The following LRP1B variants were observed in gnomAD, a reference collection of about 807,000 sequenced individuals.
LRP1B encodes low-density lipoprotein receptor-related protein 1B.
In LRP1B, 217 loss-of-function variants were observed where a neutral mutation model predicts 556.6. The observed-to-expected ratio is 0.39, with a 90% confidence interval of 0.35 to 0.44. The LOEUF (loss-of-function observed/expected upper bound fraction) is 0.44, where lower values mean the gene tolerates loss of function less well. Ranked by LOEUF, LRP1B falls within the 20% of genes least tolerant of loss-of-function variation. The pLI, the probability that LRP1B is intolerant of heterozygous loss-of-function variation, is 1.00. For synonymous variants in LRP1B, 2,047 were observed against 1,865.8 expected, an observed-to-expected ratio of 1.10 and a Z score of -2.50; for missense variants, 5,053 against 5,620.8, an observed-to-expected ratio of 0.90 and a Z score of 3.23.
In LRP1B at chr2:141,901,916, T is replaced by C. The variant is rs565501719; in HGVS notation, c.83-91515A>G. On this transcript the variant is annotated intron_variant, in intron 1 of 90. Coordinates refer to ENST00000389484, the MANE Select transcript of LRP1B (RefSeq NM_018557.3). ...ATCTGGCCATGATCAAGAACAAATATGTGTATGTGATTGGAAATGTTTTAA... is the reference window on the plus strand; with the variant it reads ...ATCTGGCCATGATCAAGAACAAATACGTGTATGTGATTGGAAATGTTTTAA... 2.6e-5 allele frequency among the ~76,000 whole-genome samples: 4 copies of C among 151,020 alleles called. No individual in the cohort carries two copies. In the Admixed American group the frequency reaches 2.7e-4, roughly 10 times the overall value.
chr2:141,831,020 T>A (rs1306042394), intron 1 of LRP1B, among the ~76,000 whole-genome samples: 3 of 151,788 alleles, frequency 2.0e-5, no homozygotes, highest in Non-Finnish European at 4.4e-5. Flanking sequence ...TTGACACTTT[T>A]CTTATGAAAT....
Position 140,501,693 on chromosome 2 carries a change from A to G in LRP1B, c.8844T>C (p.Ser2948=). ...CSQDCQDLPV[S]YKCKCWPGFQ... is the part of the protein sequence containing the mutation. ...ACTTTTGATGAGTACCTACCTTATA[A>G]CTGACCGGAAGGTCTTGACAGTCTT... Residue 2948 remains serine (S), a synonymous_variant, in exon 55 of 91, where the codon AGT becomes AGC. Coordinates refer to ENST00000389484, the MANE Select transcript of LRP1B (RefSeq NM_018557.3). The G allele has an allele frequency of 6.2e-7, 1 of 1,609,068 alleles. No homozygotes were observed. The highest frequency in any genetic ancestry group is 1.1e-5 in the South Asian group (1 of 90,450).
At chr2:140,997,789 T>C (rs1381026637) in intron 15 of LRP1B, among the ~76,000 whole-genome samples, 1 of 151,962 alleles carries the variant, frequency 6.6e-6, no homozygotes, top group Non-Finnish European at 1.5e-5. Context: ...AAACATGAAG[T>C]TGTGGTTTGC....
At chr2:141,026,566 G>T (rs897650716) in intron 11 of LRP1B, among the ~76,000 whole-genome samples, 5 of 151,972 alleles carry the variant, frequency 3.3e-5, no homozygotes, top group Non-Finnish European at 7.4e-5. Context: ...AGATAACCAG[G>T]CTAAATCAAC....
chr2:141,234,019 C>G (rs76532888), intron 5 of LRP1B, among the ~76,000 whole-genome samples: 1 of 152,028 alleles, frequency 6.6e-6, no homozygotes, highest in Non-Finnish European at 1.5e-5. Context: ...AAAAAAATCC[C>G]AGTTTTAACT....
At chr2:141,552,151 C>T (rs1447297673) in intron 2 of LRP1B, among the ~76,000 whole-genome samples, 2 of 151,942 alleles carry the variant, frequency 1.3e-5, no homozygotes, top group Non-Finnish European at 2.9e-5. Flanking sequence ...TTGTTTCTTT[C>T]AGAGAAATGC....
At chr2:142,111,759 A>G (rs143291467) in intron 1 of LRP1B, among the ~76,000 whole-genome samples, 55 of 152,192 alleles carry the variant, frequency 3.6e-4, no homozygotes, top group African/African-American at 1.1e-3. Flanking sequence ...TTCATCACAC[A>G]GGACTATATG....
chr2:141,184,868 T>A (rs1316437003), intron 7 of LRP1B, among the ~76,000 whole-genome samples: 6 of 151,898 alleles, frequency 4.0e-5, no homozygotes, highest in African/African-American at 7.2e-5. Context: ...CTACACTTCA[T>A]TTTTTTTCTT....
chr2:140,517,685 T>C (rs1004729044), intron 49 of LRP1B, among the ~76,000 whole-genome samples: 3 of 149,372 alleles, frequency 2.0e-5, no homozygotes, highest in African/African-American at 7.4e-5. Flanking sequence ...CAAGAGTACA[T>C]ATAGAATACT....
At chr2:141,528,297 A>C in intron 2 of LRP1B, among the ~76,000 whole-genome samples, 1 of 152,002 alleles carries the variant, frequency 6.6e-6, no homozygotes, top group East Asian at 1.9e-4. Flanking sequence ...AATTTGTGAT[A>C]AATTCCTGAT....
chr2:141,196,859 AT>A (rs1268385368), intron 6 of LRP1B, among the ~76,000 whole-genome samples: 1 of 152,044 alleles, frequency 6.6e-6, no homozygotes, highest in Non-Finnish European at 1.5e-5. Context: ...ATGAAATTAA[AT>A]TCCCTGTTTT....
chr2:140,891,792 A>G, intron 23 of LRP1B, among the ~76,000 whole-genome samples: 1 of 152,198 alleles, frequency 6.6e-6, no homozygotes, highest in Non-Finnish European at 1.5e-5. Context: ...ACTTGTACAT[A>G]TACATGATGA....
chr2:141,142,382 A>G (rs72976024), intron 7 of LRP1B, among the ~76,000 whole-genome samples: 5,889 of 152,192 alleles, frequency 0.039, 357 homozygotes, highest in African/African-American at 0.13. Flanking sequence ...ACAGACAAAA[A>G]CTTCCTAGTT....
chr2:140,690,618 A>G (rs1158713132), intron 41 of LRP1B, among the ~76,000 whole-genome samples: 2 of 152,158 alleles, frequency 1.3e-5, no homozygotes, highest in East Asian at 3.9e-4. Context: ...AAACTAATTT[A>G]TAGCTTGCAA....
chr2:141,254,536 C>T lies in LRP1B; in HGVS notation c.449G>A (p.Gly150Glu), dbSNP rs2105340115. 1.2e-6 allele frequency: 2 copies of T among 1,611,864 alleles called. No individual in the cohort carries two copies. Among genetic ancestry groups the T allele is most frequent in the Non-Finnish European group, 1.7e-6 (2 of 1,178,588 alleles). ...CEDGFEITEDGRSCKDQDECA... is the reference protein window; with the variant it reads ...CEDGFEITEDERSCKDQDECA... ...GTTTTACTTACCTTTACAGCTTCTC[C>T]CATCTTCTGTTATTTCGAATCCATC... The change falls in exon 4 of 91, where the codon GGG (glycine) becomes GAG (glutamate). Residue 150 changes from glycine (G) to glutamate (E), a missense_variant. Physicochemically the swap from Gly to Glu is moderately conservative, Grantham distance 98. Around this residue, in one of 5 missense-constraint regions of LRP1B, gnomAD observed 3,619 missense variants for 3,931.9 expected, o/e 0.92. Transcript: ENST00000389484.
intron 11 of LRP1B, among the ~76,000 whole-genome samples, chr2:141,042,635 C>T (rs1188653662): frequency 6.6e-6 from 1 of 152,032 alleles, no homozygotes; most frequent in Admixed American, 6.6e-5. Flanking sequence ...TCTCAATTTC[C>T]AATCTATAAA....
At chr2:141,359,229 A>G in intron 3 of LRP1B, among the ~76,000 whole-genome samples, 1 of 151,396 alleles carries the variant, frequency 6.6e-6, no homozygotes, top group Non-Finnish European at 1.5e-5. Flanking sequence ...CCAGAAAAGC[A>G]GAAGAAATAA....
chr2:140,934,130 A>T (rs1695134607), intron 20 of LRP1B, among the ~76,000 whole-genome samples: 1 of 152,132 alleles, frequency 6.6e-6, no homozygotes, highest in South Asian at 2.1e-4. Flanking sequence ...TAAAATTAGA[A>T]CTTAAGTTTT....
At chr2:141,673,151 T>C (rs1208778778) in intron 2 of LRP1B, among the ~76,000 whole-genome samples, 1 of 152,210 alleles carries the variant, frequency 6.6e-6, no homozygotes, top group East Asian at 1.9e-4. Flanking sequence ...TAAAAAGAAA[T>C]CTTAGAAGTA....
Sources: gnomAD v4.1 joint callset for allele counts (sites outside exome capture counted in the v4.1 genomes callset) on GRCh38, gnomAD v4.1.1 for gene constraint, gnomAD v4.1.1 regional missense constraint, MANE v1.5 for transcripts, NCBI Gene and HGNC (gene_info 2026-07-23, HGNC 2026-07-21) for gene names.